The following SLFN12L variants were observed in gnomAD, a reference collection of about 807,000 sequenced individuals.
SLFN12L encodes the protein schlafen family member 12 like, also known as schlafen family member 12-like.
In SLFN12L, 34 loss-of-function variants were observed where a neutral mutation model predicts 34.8. That is an observed-to-expected ratio of 0.98 (90% confidence interval 0.74 to 1.30). The LOEUF is 1.30. Among genes scored for constraint, SLFN12L ranks in the 50% most tolerant of loss-of-function variants. The pLI, the probability that SLFN12L is intolerant of heterozygous loss-of-function variation, is 0.00. For synonymous variants in SLFN12L, 259 were observed against 247.5 expected, an observed-to-expected ratio of 1.05 and a Z score of -0.44; for missense variants, 703 against 696.2, an observed-to-expected ratio of 1.01 and a Z score of -0.11.
At chr17:35,510,881 CTAA>C (rs1703363599) in intron 2 of SLFN12L, among the ~76,000 whole-genome samples, 1 of 150,904 alleles carries the variant, frequency 6.6e-6, no homozygotes, top group African/African-American at 2.4e-5. Context: ...TTAATTACTA[CTAA>C]TATCTGACCT....
intron 1 of SLFN12L, among the ~76,000 whole-genome samples, chr17:35,530,513 AAAAGAAAAGAAAAGAAAAGAAAAG>A (rs2072397769): frequency 3.1e-5 from 1 of 32,598 alleles, no homozygotes; most frequent in African/African-American, 1.1e-4. Flanking sequence ...AGAAAGAAAG[AAAAGAAAAGAAAAGAAAAGAAAAG>A]AAAAGAAAGA....
At chr17:35,511,025 C>T (rs1425543015) in intron 2 of SLFN12L, among the ~76,000 whole-genome samples, 3 of 152,086 alleles carry the variant, frequency 2.0e-5, no homozygotes, top group Non-Finnish European at 4.4e-5. Context: ...ATTGTTTAAA[C>T]TTTACTACTC....
rs143977316 is a variant in SLFN12L, at chr17:35,472,537, C to A, written c.*2386G>T. Among the ~76,000 whole-genome samples the A allele has an allele frequency of 8.3e-4, 127 of 152,246 alleles. No individual in the cohort carries two copies. The highest frequency in any genetic ancestry group is 2.9e-3 in the African/African-American group (122 of 41,538). Reference sequence around the variant, plus strand: ...ACCATGCTGTTTTGGTTACTGTAGCCATGTAGTGTAGTTTGAAGTCAGGTA... The same window carrying A: ...ACCATGCTGTTTTGGTTACTGTAGCAATGTAGTGTAGTTTGAAGTCAGGTA... On this transcript the variant is annotated 3_prime_UTR_variant, in exon 5 of 5. Coordinates refer to ENST00000628453, the MANE Select transcript of SLFN12L (RefSeq NM_001363830.2).
In SLFN12L at chr17:35,475,505, T is replaced by C. The variant is rs991424284; in HGVS notation, c.1277-20A>G. ...ATAGCCCTAGATGGGGAAATAATGA[T>C]AAATTATAAAAGACTGAGAACTTCC... is the stretch of plus-strand genomic sequence containing the variant. On this transcript the variant is annotated intron_variant, in intron 4 of 4. Coordinates refer to ENST00000628453, the MANE Select transcript of SLFN12L (RefSeq NM_001363830.2). 3.2e-6 allele frequency: 5 copies of C among 1,543,926 alleles called. No individual in the cohort carries two copies. The highest frequency in any genetic ancestry group is 4.3e-6 in the Non-Finnish European group (5 of 1,149,826).
chr17:35,512,167 T>C (rs1915666768), intron 2 of SLFN12L, among the ~76,000 whole-genome samples: 1 of 134,880 alleles, frequency 7.4e-6, no homozygotes, highest in South Asian at 2.7e-4. Flanking sequence ...TTTTTTTTTT[T>C]TTTTTGAGAC....
chr17:35,491,165 AG>A (rs1336981343), intron 2 of SLFN12L: 1 of 833,692 alleles, frequency 1.2e-6, no homozygotes, highest in African/African-American at 1.7e-5. Flanking sequence ...CTCGGGGAGG[AG>A]GAAGGCATCA....
At chr17:35,537,105 G>A (rs1330276514) in intron 1 of SLFN12L, among the ~76,000 whole-genome samples, 2 of 152,000 alleles carry the variant, frequency 1.3e-5, no homozygotes, top group Non-Finnish European at 2.9e-5. Context: ...TTTGAGCCCT[G>A]GAAGGTCGAA....
intron 2 of SLFN12L, among the ~76,000 whole-genome samples, chr17:35,481,357 C>T (rs1389973380): frequency 6.6e-6 from 1 of 152,276 alleles, no homozygotes; most frequent in Non-Finnish European, 1.5e-5. Flanking sequence ...AACCGTCTCC[C>T]TGTGATGCTG....
intron 2 of SLFN12L, among the ~76,000 whole-genome samples, chr17:35,521,658 A>G (rs565178538): frequency 6.6e-6 from 1 of 152,142 alleles, no homozygotes; most frequent in Non-Finnish European, 1.5e-5. Context: ...CCAGGAGTTC[A>G]GGGATATGGT....
intron 2 of SLFN12L, among the ~76,000 whole-genome samples, chr17:35,519,253 T>G (rs1324442197): frequency 6.6e-6 from 1 of 152,096 alleles, no homozygotes; most frequent in Non-Finnish European, 1.5e-5. Flanking sequence ...CGGCTTAAAA[T>G]CTAGATGACA....
intron 2 of SLFN12L, among the ~76,000 whole-genome samples, chr17:35,492,234 C>A (rs1204978119): frequency 1.3e-5 from 2 of 152,176 alleles, no homozygotes; most frequent in East Asian, 3.8e-4. Context: ...AGCTTTGTCC[C>A]ACCATGCTTC....
chr17:35,522,942 A>C lies in SLFN12L; in HGVS notation c.-578T>G. Reference sequence around the variant, plus strand: ...GGACAGCTCCTTCCAGAGGGATTCCAGAGTACATCGCAAATATCCTGGTAG... The same window carrying C: ...GGACAGCTCCTTCCAGAGGGATTCCCGAGTACATCGCAAATATCCTGGTAG... On this transcript the variant is annotated 5_prime_UTR_variant, in exon 2 of 5. Transcript: ENST00000628453. 1.7e-6 allele frequency: 1 copy of C among 571,916 alleles called. No individual in the cohort carries two copies. The highest frequency in any genetic ancestry group is 3.1e-6 in the Non-Finnish European group (1 of 318,074). The allele number at this position is 571,916 out of a possible 1,614,324, so 35.4% of individuals were successfully genotyped here. A position where few individuals can be genotyped will look rare whatever the true frequency, so the allele number is the denominator to read the frequency against.
intron 2 of SLFN12L, chr17:35,487,767 G>A: frequency 6.5e-7 from 1 of 1,535,970 alleles, no homozygotes; most frequent in Non-Finnish European, 8.7e-7. Flanking sequence ...CAAGTAGGGG[G>A]ACCTGAGTTC....
In SLFN12L at chr17:35,478,152, G is replaced by A. The variant is rs1914121931; in HGVS notation, c.1199C>T (p.Ser400Leu). The A allele has an allele frequency of 1.3e-6, 2 of 1,545,440 alleles. No homozygotes were observed. The highest frequency in any genetic ancestry group is 1.8e-6 in the Non-Finnish European group (2 of 1,141,930). Residue 400 changes from serine (S) to leucine (L), a missense_variant, in exon 4 of 5, where the codon TCA becomes TTA. Physicochemically the swap from Ser to Leu is moderately radical, Grantham distance 145. Transcript: ENST00000628453. ...CEELPSPAST[S>L]SPVSQSYPLR... is the part of the protein sequence containing the mutation. ...AGGATAACTCTGGGAGACAGGTGAT[G>A]ATGTACTTGCTGGAGAGGGCAGTTC...
chr17:35,480,406 T>C (rs1039547018), intron 2 of SLFN12L: 8 of 447,686 alleles, frequency 1.8e-5, no homozygotes, highest in Admixed American at 3.9e-5. Context: ...AACTGTTTTA[T>C]ACGATCTTAT....
chr17:35,473,227 C>T lies in SLFN12L; in HGVS notation c.*1696G>A, dbSNP rs1401912137. Among the ~76,000 whole-genome samples, 1 of 152,126 alleles carries T rather than the reference C, an allele frequency of 6.6e-6. No homozygotes were observed. Among genetic ancestry groups the T allele is most frequent in the East Asian group, 1.9e-4 (1 of 5,194 alleles). On this transcript the variant is annotated 3_prime_UTR_variant, in exon 5 of 5. Coordinates refer to ENST00000628453, the MANE Select transcript of SLFN12L (RefSeq NM_001363830.2). ...TGAGAGAGGGCATTCTTGTCTTGTG[C>T]CAATTTTCAAAGGGAATGCTTCCAG...
intron 2 of SLFN12L, among the ~76,000 whole-genome samples, chr17:35,492,783 C>A (rs1003003461): frequency 6.6e-6 from 1 of 152,052 alleles, no homozygotes; most frequent in Non-Finnish European, 1.5e-5. Flanking sequence ...GGGAATATGG[C>A]GTAGTATCTC....
At chr17:35,534,234 T>C (rs1826220305) in intron 1 of SLFN12L, among the ~76,000 whole-genome samples, 1 of 150,970 alleles carries the variant, frequency 6.6e-6, no homozygotes, top group African/African-American at 2.4e-5. Context: ...TGGTGGCACA[T>C]GCCTGCAGTC....
intron 2 of SLFN12L, among the ~76,000 whole-genome samples, chr17:35,486,922 G>C (rs1040415195): frequency 6.6e-6 from 1 of 152,226 alleles, no homozygotes; most frequent in Non-Finnish European, 1.5e-5. Flanking sequence ...AGCATAGAGC[G>C]TGATTTGCCG....
Sources: allele counts gnomAD v4.1 joint callset (sites outside exome capture counted in the v4.1 genomes callset), GRCh38; gene constraint gnomAD v4.1.1; transcripts MANE v1.5; gene names NCBI Gene and HGNC (gene_info 2026-07-23, HGNC 2026-07-21).